Variants in MACROD1 observed in about 807,000 individuals in gnomAD.
MACROD1 encodes mono-ADP ribosylhydrolase 1, also known as ADP-ribose glycohydrolase MACROD1.
In MACROD1, 31 loss-of-function variants were observed where a neutral mutation model predicts 41.4. The ratio of observed to expected loss-of-function variants is 0.75; its 90% CI spans 0.56 to 1.01. MACROD1 has a LOEUF of 1.01. Ranked by LOEUF, MACROD1 falls within the 50% of genes least tolerant of loss-of-function variation. MACROD1 has a pLI of 0.00. For missense variants in MACROD1, 473 were observed against 460.0 expected, an observed-to-expected ratio of 1.03 and a Z score of -0.26; for synonymous variants, 252 against 203.4, an observed-to-expected ratio of 1.24 and a Z score of -2.03.
At chr11:64,165,622 C>T (rs1189932970) in intron 1 of MACROD1, 75 bp downstream of exon 1, 3 of 1,279,768 alleles carry the variant, frequency 2.3e-6, no homozygotes, top group Middle Eastern at 2.3e-4. Flanking sequence ...GCTGCTCGCT[C>T]GTTGGGGGCC....
At position 64,126,170 on chromosome 11, in the gene MACROD1, G is replaced by A. The variant is rs578109713; in HGVS notation, c.517+25069C>T. On this transcript the variant is annotated intron_variant, in intron 3 of 10. Coordinates refer to ENST00000255681, the MANE Select transcript of MACROD1 (RefSeq NM_014067.4). ...TTAGGCTGTTTTTCCCCAACACAAC[G>A]CACCTCCACACCCCACACCGCCAGC... is the stretch of plus-strand genomic sequence containing the variant. Among the ~76,000 whole-genome samples, 7 of 152,216 alleles carry A rather than the reference G, an allele frequency of 4.6e-5. No homozygotes were observed. In the South Asian group the frequency reaches 1.5e-3, roughly 32 times the overall value.
chr11:64,042,193 C>A (rs1161960668), intron 3 of MACROD1, among the ~76,000 whole-genome samples: 1 of 152,182 alleles, frequency 6.6e-6, no homozygotes. Flanking sequence ...CTCTTGCACA[C>A]ACATGCTCAC....
chr11:64,091,473 C>T (rs564018080), intron 3 of MACROD1, among the ~76,000 whole-genome samples: 2 of 102,512 alleles, frequency 2.0e-5, no homozygotes, highest in African/African-American at 7.9e-5. Context: ...ATGTGGGGGA[C>T]GAGCCTACAG....
chr11:64,025,408 C>T (rs1381847035), intron 3 of MACROD1, among the ~76,000 whole-genome samples: 1 of 152,230 alleles, frequency 6.6e-6, no homozygotes, highest in Non-Finnish European at 1.5e-5. Flanking sequence ...TAGGCGGCTC[C>T]TCAGCTGCCC....
chr11:64,058,848 G>A (rs1465184847), intron 3 of MACROD1, among the ~76,000 whole-genome samples: 2 of 152,144 alleles, frequency 1.3e-5, no homozygotes, highest in Non-Finnish European at 2.9e-5. Flanking sequence ...GCAAGGGGGG[G>A]TAGGACCAGT....
chr11:64,116,251 GC>G (rs1565240537), intron 3 of MACROD1: 3 of 1,585,514 alleles, frequency 1.9e-6, no homozygotes, highest in South Asian at 2.3e-5. Flanking sequence ...GGGGCCGGAC[GC>G]CCCCAGCCAT....
intron 3 of MACROD1, among the ~76,000 whole-genome samples, chr11:64,100,255 G>C (rs1288986915): frequency 6.6e-6 from 1 of 152,184 alleles, no homozygotes; most frequent in Non-Finnish European, 1.5e-5. Flanking sequence ...AAAACGCAGA[G>C]GGTGGTGCAG....
intron 3 of MACROD1, among the ~76,000 whole-genome samples, chr11:64,144,970 C>G (rs1173558013): frequency 6.6e-6 from 1 of 152,200 alleles, no homozygotes; most frequent in African/African-American, 2.4e-5. Flanking sequence ...GACAGCCGGA[C>G]GCAGGGGCGG....
intron 3 of MACROD1, among the ~76,000 whole-genome samples, chr11:64,049,883 T>G (rs72918405): frequency 0.047 from 7,180 of 152,278 alleles, 225 homozygotes; most frequent in Non-Finnish European, 0.077. Flanking sequence ...AGCTCTGTTC[T>G]AGAAAGGCTG....
chr11:64,082,341 G>A lies in MACROD1; in HGVS notation c.518-67060C>T, dbSNP rs998097031. ...GGGTGGAGGATGATCCGGGGGGACC[G>A]TGGAAGGCAGGACGGGGGCCAGGAG... On this transcript the variant is annotated intron_variant, in intron 3 of 10. Coordinates refer to ENST00000255681, the MANE Select transcript of MACROD1 (RefSeq NM_014067.4). This position sits in a 1 kb window ranked among gnomAD's most constrained non-coding sequence, Gnocchi z 4.5. 4.6e-5 allele frequency among the ~76,000 whole-genome samples: 7 copies of A among 152,008 alleles called. No homozygotes were observed. Among genetic ancestry groups the A allele is most frequent in the African/African-American group, 1.7e-4 (7 of 41,392 alleles).
intron 3 of MACROD1, among the ~76,000 whole-genome samples, chr11:64,124,283 G>A (rs1022364147): frequency 1.4e-4 from 21 of 152,318 alleles, no homozygotes; most frequent in African/African-American, 4.6e-4. Context: ...CCCAGGCTGC[G>A]TCCTGGACCT....
chr11:64,037,732 A>C (rs1424780596), intron 3 of MACROD1, among the ~76,000 whole-genome samples: 1 of 152,158 alleles, frequency 6.6e-6, no homozygotes. Context: ...CCCTGACCCC[A>C]GCATGGAGGC....
rs534623059 is a variant in MACROD1 at position 64,155,315 on chromosome 11, C to T, written c.299-2922G>A. Among the ~76,000 whole-genome samples, 41 of 152,396 alleles carry T rather than the reference C, an allele frequency of 2.7e-4. 1 individual carries two copies. The highest frequency in any genetic ancestry group is 1.4e-3 in the South Asian group (7 of 4,828). ...TTTGGGTGGAGAAAGTGAGGCCAGT[C>T]GGTCTCTCCAGGTCTGCCTCCCTGT... On this transcript the variant is annotated intron_variant, in intron 1 of 10. Coordinates refer to ENST00000255681, the MANE Select transcript of MACROD1 (RefSeq NM_014067.4).
chr11:64,028,266 G>A (rs1943247543), intron 3 of MACROD1, among the ~76,000 whole-genome samples: 1 of 152,220 alleles, frequency 6.6e-6, no homozygotes, highest in Non-Finnish European at 1.5e-5. Flanking sequence ...GGAGCCGAGG[G>A]GGCCCCTTGC....
intron 3 of MACROD1, among the ~76,000 whole-genome samples, chr11:64,079,602 G>T (rs1299735745): frequency 6.6e-6 from 1 of 152,190 alleles, no homozygotes; most frequent in East Asian, 1.9e-4. Context: ...CGTGGGGTGG[G>T]AGATGGGCTA....
intron 3 of MACROD1, among the ~76,000 whole-genome samples, chr11:64,113,823 CATGGATGGATGG>C (rs138768566): frequency 8.8e-6 from 1 of 113,762 alleles, no homozygotes; most frequent in Admixed American, 8.7e-5. Context: ...CAGGTGGACG[CATGGATGGATGG>C]ATGGATGGAT....
Position 63,999,007 on chromosome 11 carries a change from G to C in MACROD1, c.921C>G (p.Leu307=), listed in dbSNP as rs1942766640. 2 of 1,608,842 alleles carry C rather than the reference G, an allele frequency of 1.2e-6. No homozygotes were observed. Among genetic ancestry groups the C allele is most frequent in the Admixed American group, 1.7e-5 (1 of 59,616 alleles). The stretch of plus-strand genomic sequence containing the variant: ...TCCGGTAGATGTCCTCGTCCTTCTC[G>C]AGGAACACGCAGATGATCAGCCGGT... ...KVDRLIICVF[L]EKDEDIYRSR... Residue 307 remains leucine (L), a synonymous_variant, in exon 9 of 11, where the codon CTC becomes CTG. Transcript: ENST00000255681.
intron 3 of MACROD1, among the ~76,000 whole-genome samples, chr11:64,080,292 C>T (rs147600028): frequency 0.042 from 6,458 of 152,244 alleles, 451 homozygotes; most frequent in African/African-American, 0.15. Flanking sequence ...GGATTACAGA[C>T]GTGAGCCACT....
At chr11:64,042,310 G>T (rs145598425) in intron 3 of MACROD1, among the ~76,000 whole-genome samples, 1 of 152,072 alleles carries the variant, frequency 6.6e-6, no homozygotes, top group Non-Finnish European at 1.5e-5. Context: ...CCACGAGGAA[G>T]GGGCTGGAGT....
Sources: allele counts gnomAD v4.1 joint callset (sites outside exome capture counted in the v4.1 genomes callset), GRCh38; gene constraint gnomAD v4.1.1; non-coding constraint Gnocchi (gnomAD v3.1); transcripts MANE v1.5; gene names NCBI Gene and HGNC (gene_info 2026-07-23, HGNC 2026-07-21).